Variants in LRTM3 observed in about 807,000 individuals in gnomAD.
LRTM3 encodes leucine-rich repeat transmembrane protein 3.
the LRTM3 span, chr13:102,750,365 C>CT: frequency 4.6e-6 from 7 of 1,508,802 alleles, no homozygotes; most frequent in Non-Finnish European, 6.2e-6. Flanking sequence ...TGAAGTAATT[C>CT]TTTTTTCTAA....
At chr13:102,744,473 C>G in the LRTM3 span, 5 of 1,550,518 alleles carry the variant, frequency 3.2e-6, no homozygotes, top group African/African-American at 6.9e-5. Context: ...AGTCTTTAGA[C>G]CTTCCATACA....
chr13:102,729,632 G>T, the LRTM3 span: 1 of 1,549,408 alleles, frequency 6.5e-7, no homozygotes, highest in Non-Finnish European at 8.7e-7. Flanking sequence ...CAGTGAGTCT[G>T]CCGGTACACA....
At chr13:102,755,901 A>ATGTGTGTGTGTGTG in the LRTM3 span, among the ~76,000 whole-genome samples, 19 of 98,832 alleles carry the variant, frequency 1.9e-4, no homozygotes, top group South Asian at 6.9e-4. Context: ...ACACATATAT[A>ATGTGTGTGTGTGTG]TGTGTGTGTG....
the LRTM3 span, chr13:102,735,735 C>CT: frequency 1.3e-6 from 2 of 1,549,200 alleles, no homozygotes; most frequent in Non-Finnish European, 8.7e-7. Context: ...TCAGTATATG[C>CT]TTTTTTGCCT....
the LRTM3 span, chr13:102,733,086 C>T: frequency 6.4e-7 from 1 of 1,551,434 alleles, no homozygotes; most frequent in Non-Finnish European, 8.7e-7. Flanking sequence ...GTTTTCTTGT[C>T]CACATCTGTT....
the LRTM3 span, chr13:102,743,036 G>T: frequency 3.9e-5 from 61 of 1,548,674 alleles, no homozygotes; most frequent in Non-Finnish European, 5.2e-5. Flanking sequence ...TGAGAAAAAA[G>T]TTTCTCCCAA....
chr13:102,745,122 A>G, the LRTM3 span: 1 of 1,550,770 alleles, frequency 6.4e-7, no homozygotes, highest in South Asian at 1.2e-5. Context: ...TTGGTAACAA[A>G]CAGAATTTTC....
At chr13:102,742,699 C>CA in the LRTM3 span, 6 of 1,550,710 alleles carry the variant, frequency 3.9e-6, no homozygotes, top group Non-Finnish European at 5.2e-6. Flanking sequence ...GCTTTGCCTG[C>CA]AAAGGTCTAC....
the LRTM3 span, chr13:102,733,831 T>C: frequency 6.4e-7 from 1 of 1,551,478 alleles, no homozygotes; most frequent in East Asian, 2.4e-5. Flanking sequence ...ACTGTTGCTC[T>C]GCCTCTGGGC....
the LRTM3 span, among the ~76,000 whole-genome samples, chr13:102,758,082 T>G: frequency 6.6e-6 from 1 of 152,224 alleles, no homozygotes; most frequent in East Asian, 1.9e-4. Context: ...CAGTAAGTGC[T>G]AAATAAATAT....
chr13:102,736,010 A>G, the LRTM3 span: 1 of 1,549,850 alleles, frequency 6.5e-7, no homozygotes, highest in Admixed American at 2.0e-5. Flanking sequence ...CCTTTTGGGG[A>G]GTATTCTACC....
chr13:102,745,272 G>C, the LRTM3 span: 68 of 1,550,442 alleles, frequency 4.4e-5, no homozygotes, highest in Non-Finnish European at 5.6e-5. Context: ...TCTTGAAGAA[G>C]GGTTTCTTTA....
At chr13:102,754,407 T>A in the LRTM3 span, among the ~76,000 whole-genome samples, 2 of 152,078 alleles carry the variant, frequency 1.3e-5, no homozygotes, top group Non-Finnish European at 2.9e-5. Context: ...CCCCACACCC[T>A]GTTTTGTTTG....
chr13:102,744,111 G>T, the LRTM3 span: 14 of 1,550,474 alleles, frequency 9.0e-6, no homozygotes, highest in Non-Finnish European at 1.2e-5. Context: ...GTGTACCATT[G>T]CTTCCCTTTC....
At chr13:102,741,464 A>G in the LRTM3 span, 1 of 1,549,974 alleles carries the variant, frequency 6.5e-7, no homozygotes, top group Non-Finnish European at 8.7e-7. Context: ...ACCTACAAAT[A>G]TATCAGTTTC....
chr13:102,740,391 G>A, the LRTM3 span: 14,005 of 1,550,080 alleles, frequency 9.0e-3, 125 homozygotes, highest in South Asian at 0.03. Context: ...CCTGGTGTCC[G>A]GCTTGATAAA....
the LRTM3 span, chr13:102,731,792 A>C: frequency 6.4e-7 from 1 of 1,550,928 alleles, no homozygotes; most frequent in Non-Finnish European, 8.7e-7. Flanking sequence ...TTGTGTGGTC[A>C]TGTCCCATAC....
At chr13:102,754,140 G>A in the LRTM3 span, among the ~76,000 whole-genome samples, 1 of 148,142 alleles carries the variant, frequency 6.8e-6, no homozygotes, top group Non-Finnish European at 1.5e-5. Flanking sequence ...AGGAGATGAA[G>A]GTTGCAGTGA....
At chr13:102,755,169 G>A in the LRTM3 span, among the ~76,000 whole-genome samples, 2 of 152,190 alleles carry the variant, frequency 1.3e-5, no homozygotes, top group East Asian at 3.9e-4. Flanking sequence ...TCAGTCCTAA[G>A]CCTCACACCA....
Sources: gnomAD v4.1 joint callset for allele counts (sites outside exome capture counted in the v4.1 genomes callset) on GRCh38, gnomAD v4.1.1 for gene constraint, MANE v1.5 for transcripts, NCBI Gene and HGNC (gene_info 2026-07-23, HGNC 2026-07-21) for gene names.